Variants in SRCAP observed in about 807,000 individuals in gnomAD.
The protein encoded by SRCAP is chromatin remodeling protein SRCAP.
In SRCAP, 46 loss-of-function variants were observed where a neutral mutation model predicts 263.1. The ratio of observed to expected loss-of-function variants is 0.17; its 90% CI spans 0.14 to 0.22. SRCAP has a LOEUF of 0.22. SRCAP is among the 10% of genes least tolerant of loss of function. SRCAP has a pLI of 1.00. For synonymous variants in SRCAP, 1,813 were observed against 1,662.1 expected, an observed-to-expected ratio of 1.09 and a Z score of -2.21; for missense variants, 3,695 against 4,181.9, an observed-to-expected ratio of 0.88 and a Z score of 3.21.
In SRCAP at chr16:30,704,124, G is replaced by C. The variant is rs1211882391; in HGVS notation, c.115G>C (p.Ala39Pro). ...PVSPASSSSPASSGAGGISPQ... is the reference protein window; with the variant it reads ...PVSPASSSSPPSSGAGGISPQ... ...GTCCCCTGCCTCATCCAGTTCCCCAGCCTCTAGTGGGGCAGGCGGCATCTC... is the reference window on the plus strand; with the variant it reads ...GTCCCCTGCCTCATCCAGTTCCCCACCCTCTAGTGGGGCAGGCGGCATCTC... Residue 39 changes from alanine to proline, a missense_variant, in exon 4 of 34, where the codon GCC becomes CCC. Ala to Pro is a conservative substitution (Grantham distance 27). Transcript: ENST00000262518. The C allele has an allele frequency of 6.2e-7, 1 of 1,614,014 alleles. No homozygotes were observed. Among genetic ancestry groups the C allele is most frequent in the Non-Finnish European group, 8.5e-7 (1 of 1,180,032 alleles).
At chr16:30,706,581 T>TA (rs1244033025) in intron 4 of SRCAP, among the ~76,000 whole-genome samples, 4 of 152,254 alleles carry the variant, frequency 2.6e-5, no homozygotes, top group Non-Finnish European at 5.9e-5. Flanking sequence ...TTTTTACACC[T>TA]AATCAGTGTT....
Position 30,737,022 on chromosome 16 carries a change from G to T in SRCAP, c.7009-27G>T. 1.9e-6 allele frequency: 3 copies of T among 1,549,874 alleles called. No individual in the cohort carries two copies. In the South Asian group the frequency reaches 3.7e-5, roughly 19 times the overall value. On this transcript the variant is annotated intron_variant, in intron 33 of 33. Transcript: ENST00000262518. ...CTCTCTACTCTGCTTGCCTCCTCCT[G>T]ACCACTTTTGGACCCTGTTGTTGTA... is the stretch of plus-strand genomic sequence containing the variant.
At chr16:30,720,393 G>A in intron 19 of SRCAP, 62 bp downstream of exon 19, 1 of 1,555,236 alleles carries the variant, frequency 6.4e-7, no homozygotes, top group South Asian at 1.2e-5. Flanking sequence ...CTGCCCAGAG[G>A]GGCCTGGGGT....
Position 30,738,353 on chromosome 16 carries a change from G to C in SRCAP, c.8313G>C (p.Arg2771=), listed in dbSNP as rs1189394376. 1 of 1,569,716 alleles carries C rather than the reference G, an allele frequency of 6.4e-7. No homozygotes were observed. The change falls in exon 34 of 34, where the codon CGG becomes CGC. Residue 2771 remains arginine, a synonymous_variant. Coordinates refer to ENST00000262518, the MANE Select transcript of SRCAP (RefSeq NM_006662.3). ...KELVRRRRQQ[R]GAASTLVPGV... Reference sequence around the variant, plus strand: ...TGGTGCGGCGGCGGCGGCAGCAGCGGGGAGCTGCCAGCACCCTAGTGCCTG... The same window carrying C: ...TGGTGCGGCGGCGGCGGCAGCAGCGCGGAGCTGCCAGCACCCTAGTGCCTG...
At position 30,724,741 on chromosome 16, in the gene SRCAP, G is replaced by A. The variant is rs1449115326; in HGVS notation, c.5317G>A (p.Ala1773Thr). Residue 1773 changes from alanine to threonine, a missense_variant, in exon 25 of 34, where the codon GCA (alanine) becomes ACA (threonine). Transcript: ENST00000262518. Reference sequence around the variant, plus strand: ...AGCTCACACGCTGACTTTGGCTCCAGCATCGTCATCTGCTTCACTCCTGGC... The same window carrying A: ...AGCTCACACGCTGACTTTGGCTCCAACATCGTCATCTGCTTCACTCCTGGC... Reference protein sequence around the residue: ...APAHTLTLAPASSSASLLAPA... With the variant: ...APAHTLTLAPTSSSASLLAPA... The A allele has an allele frequency of 6.2e-7, 1 of 1,613,880 alleles. No individual in the cohort carries two copies. Among genetic ancestry groups the A allele is most frequent in the Non-Finnish European group, 8.5e-7 (1 of 1,179,986 alleles).
intron 1 of SRCAP, among the ~76,000 whole-genome samples, chr16:30,699,456 G>C (rs1340161287): frequency 5.3e-5 from 8 of 152,096 alleles, no homozygotes; most frequent in Admixed American, 4.6e-4. Flanking sequence ...TTGGGGAAGT[G>C]TCTCAAGGCG....
rs754326388 is a variant in SRCAP, at chr16:30,738,193, G to A, written c.8153G>A (p.Arg2718Gln). Reference protein sequence around the residue: ...TSSPEGPSPARPPRRRTSADV... With the variant: ...TSSPEGPSPAQPPRRRTSADV... ...TCGCCTGAGGGTCCTTCACCTGCCCGACCTCCTCGGCGTCGCACCAGTGCT... is the reference window on the plus strand; with the variant it reads ...TCGCCTGAGGGTCCTTCACCTGCCCAACCTCCTCGGCGTCGCACCAGTGCT... Residue 2718 changes from arginine to glutamine, a missense_variant, in exon 34 of 34, where the codon CGA (arginine) becomes CAA (glutamine). Physicochemically the swap from Arg to Gln is conservative, Grantham distance 43. This residue lies in a region of SRCAP where 1,207 missense variants were observed against 1,142.9 expected (regional missense o/e 1.06). Coordinates refer to ENST00000262518, the MANE Select transcript of SRCAP (RefSeq NM_006662.3). 40 of 1,614,036 alleles carry A rather than the reference G, an allele frequency of 2.5e-5. No individual in the cohort carries two copies. The highest frequency in any genetic ancestry group is 1.1e-4 in the East Asian group (5 of 44,902).
intron 22 of SRCAP, 99 bp from the exon 23 acceptor site, chr16:30,722,464 G>A: frequency 6.6e-7 from 1 of 1,520,052 alleles, no homozygotes; most frequent in Non-Finnish European, 9.0e-7. Flanking sequence ...TCTAGAGAAT[G>A]TATTCCCTCT....
Position 30,733,012 on chromosome 16 carries a change from T to C in SRCAP, c.6128-268T>C, listed in dbSNP as rs781652741. 1.4e-4 allele frequency among the ~76,000 whole-genome samples: 21 copies of C among 152,094 alleles called. No individual in the cohort carries two copies. Among genetic ancestry groups the C allele is most frequent in the Non-Finnish European group, 3.1e-4 (21 of 68,008 alleles). ...CATCACGCCCAGCTAATTTTTGTGTTTTTAGTAGAGACAGGGTCTCATCAT... is the reference window on the plus strand; with the variant it reads ...CATCACGCCCAGCTAATTTTTGTGTCTTTAGTAGAGACAGGGTCTCATCAT... On this transcript the variant is annotated intron_variant, in intron 27 of 33. Coordinates refer to ENST00000262518, the MANE Select transcript of SRCAP (RefSeq NM_006662.3). This position sits in a 1 kb window ranked among gnomAD's most constrained non-coding sequence, Gnocchi z 5.3.
rs1366317242 is a variant in SRCAP at position 30,724,919 on chromosome 16, C to T, written c.5495C>T (p.Pro1832Leu). ...SLVVSASGAA[P>L]LPVTMVSRLP... ...GTGGTTTCGGCATCTGGTGCCGCTC[C>T]CTTGCCTGTCACCATGGTATCCCGG... Residue 1832 changes from proline (P) to leucine (L), a missense_variant, in exon 25 of 34, where the codon CCC (proline) becomes CTC (leucine). This residue lies in a region of SRCAP where 1,347 missense variants were observed against 1,304.4 expected (regional missense o/e 1.03). Coordinates refer to ENST00000262518, the MANE Select transcript of SRCAP (RefSeq NM_006662.3). The T allele has an allele frequency of 4.3e-6, 7 of 1,614,114 alleles. No homozygotes were observed. In the Middle Eastern group the frequency reaches 4.9e-4, roughly 114 times the overall value.
chr16:30,729,109 C>T lies in SRCAP; in HGVS notation c.5802C>T (p.Ser1934=). 1.9e-6 allele frequency: 3 copies of T among 1,614,218 alleles called. No individual in the cohort carries two copies. Among genetic ancestry groups the T allele is most frequent in the Non-Finnish European group, 2.5e-6 (3 of 1,180,040 alleles). Residue 1934 remains serine (S), a synonymous_variant, in exon 26 of 34, where the codon AGC becomes AGT. Coordinates refer to ENST00000262518, the MANE Select transcript of SRCAP (RefSeq NM_006662.3). ...DFCTLPQPVA[S]PIGPRSPGPS... ...GTACCCTGCCCCAACCTGTTGCCAGCCCCATCGGCCCTCGTTCTCCTGGCC... is the reference window on the plus strand; with the variant it reads ...GTACCCTGCCCCAACCTGTTGCCAGTCCCATCGGCCCTCGTTCTCCTGGCC...
chr16:30,720,717 C>T lies in SRCAP; in HGVS notation c.2992C>T (p.Leu998=), dbSNP rs778664012. 7 of 1,595,708 alleles carry T rather than the reference C, an allele frequency of 4.4e-6. No individual in the cohort carries two copies. The African/African-American group carries it at 9.4e-5, about 21-fold the overall frequency. The change falls in exon 20 of 34, where the codon CTG becomes TTG. Residue 998 remains leucine, a synonymous_variant. Coordinates refer to ENST00000262518, the MANE Select transcript of SRCAP (RefSeq NM_006662.3). ...TCTCTTAATTTTTTCTCACAGGATG[C>T]TGCAGCCAGTACCTAAGCAAGAAGG... ...KPVKMKVNRM[L]QPVPKQEGRT...
In SRCAP at chr16:30,738,180, C is replaced by T; in HGVS notation, c.8140C>T (p.Pro2714Ser). 1 of 1,614,170 alleles carries T rather than the reference C, an allele frequency of 6.2e-7. No homozygotes were observed. The highest frequency in any genetic ancestry group is 8.5e-7 in the Non-Finnish European group (1 of 1,180,040). The stretch of plus-strand genomic sequence containing the variant: ...TTCAGCCACTTCCTCGCCTGAGGGT[C>T]CTTCACCTGCCCGACCTCCTCGGCG... ...SSSATSSPEGPSPARPPRRRT... is the reference protein window; with the variant it reads ...SSSATSSPEGSSPARPPRRRT... The change falls in exon 34 of 34, where the codon CCT becomes TCT. Residue 2714 changes from proline (P) to serine (S), a missense_variant. Transcript: ENST00000262518.
Position 30,712,455 on chromosome 16 carries a change from C to G in SRCAP, c.1993+16C>G. On this transcript the variant is annotated intron_variant, in intron 13 of 33. Coordinates refer to ENST00000262518, the MANE Select transcript of SRCAP (RefSeq NM_006662.3). Reference sequence around the variant, plus strand: ...TGTGAGAAAGGTAAGTAGGCAAGGCCCCTTCTTTTGTTCCCCCTAGTCTAG... The same window carrying G: ...TGTGAGAAAGGTAAGTAGGCAAGGCGCCTTCTTTTGTTCCCCCTAGTCTAG... The G allele has an allele frequency of 6.4e-7, 1 of 1,551,820 alleles. No homozygotes were observed. Among genetic ancestry groups the G allele is most frequent in the Non-Finnish European group, 8.7e-7 (1 of 1,151,688 alleles).
chr16:30,707,166 T>G lies in SRCAP; in HGVS notation c.307-17T>G, dbSNP rs1191250515. 1 of 1,613,606 alleles carries G rather than the reference T, an allele frequency of 6.2e-7. No homozygotes were observed. The highest frequency in any genetic ancestry group is 2.2e-5 in the East Asian group (1 of 44,888). ...GTGTGTTTAGAACTGTTGATTGATC[T>G]GGCTCTCCCTGATTAGGAGGCCGAG... is the stretch of plus-strand genomic sequence containing the variant. On this transcript the variant is annotated splice_polypyrimidine_tract_variant and intron_variant, in intron 4 of 33. Transcript: ENST00000262518.
In SRCAP at chr16:30,738,331, T is replaced by TGCGGCG. The variant is rs745558501; in HGVS notation, c.8300_8305dup (p.Arg2767_Arg2768dup). On this transcript the variant is annotated inframe_insertion, in exon 34 of 34. Coordinates refer to ENST00000262518, the MANE Select transcript of SRCAP (RefSeq NM_006662.3). ...ACTGTGGTAGAGGAAAAGGAACTGG[T>TGCGGCG]GCGGCGGCGGCGGCAGCAGCGGGGA... 1.9e-6 allele frequency: 3 copies of TGCGGCG among 1,580,486 alleles called. No homozygotes were observed. The highest frequency in any genetic ancestry group is 2.6e-6 in the Non-Finnish European group (3 of 1,162,720).
At chr16:30,704,876 T>C (rs1477125230) in intron 4 of SRCAP, among the ~76,000 whole-genome samples, 8 of 152,130 alleles carry the variant, frequency 5.3e-5, no homozygotes, top group Admixed American at 4.6e-4. Context: ...AAAAGCACTT[T>C]GTAAACTGTG....
In SRCAP at chr16:30,734,575, A is replaced by G. The variant is rs1335665811; in HGVS notation, c.6689A>G (p.Glu2230Gly). 6.2e-7 allele frequency: 1 copy of G among 1,613,994 alleles called. No individual in the cohort carries two copies. Among genetic ancestry groups the G allele is most frequent in the Non-Finnish European group, 8.5e-7 (1 of 1,180,002 alleles). Residue 2230 changes from glutamate (E) to glycine (G), a missense_variant, in exon 31 of 34, where the codon GAA (glutamate) becomes GGA (glycine). This residue lies in a region of SRCAP where 53 missense variants were observed against 45.6 expected (regional missense o/e 1.16). Transcript: ENST00000262518. ...GTGCCCTCTGCCCCTGAAGAGGAGG[A>G]AGAGACTGTGGCCAGCAAGCAGACT... Reference protein sequence around the residue: ...SSVPSAPEEEEETVASKQTHI... With the variant: ...SSVPSAPEEEGETVASKQTHI...
rs1490617986 is a variant in SRCAP at position 30,733,135 on chromosome 16, C to T, written c.6128-145C>T. The T allele has an allele frequency of 1.7e-5, 15 of 883,988 alleles. No homozygotes were observed. The highest frequency in any genetic ancestry group is 5.0e-5 in the African/African-American group (3 of 59,862). 54.8% of individuals were successfully genotyped at this position (883,988 alleles called of 1,614,324 possible). A position where few individuals can be genotyped will look rare whatever the true frequency, so the allele number is the denominator to read the frequency against. On this transcript the variant is annotated intron_variant, in intron 27 of 33. Transcript: ENST00000262518. This position sits in a 1 kb window ranked among gnomAD's most constrained non-coding sequence, Gnocchi z 5.3. ...ACAGGTGTGAGCCACCATGCCCTGC[C>T]GTAGTTAAACATTTTTGATCTGCTA...
Sources: gnomAD v4.1 joint callset for allele counts (sites outside exome capture counted in the v4.1 genomes callset) on GRCh38, gnomAD v4.1.1 for gene constraint, gnomAD v4.1.1 regional missense constraint, Gnocchi (gnomAD v3.1) non-coding constraint, MANE v1.5 for transcripts, NCBI Gene and HGNC (gene_info 2026-07-23, HGNC 2026-07-21) for gene names.